Variants in RNF125 observed in about 807,000 individuals in gnomAD.
The protein encoded by RNF125 is ring finger protein 125, also known as E3 ubiquitin-protein ligase RNF125.
RNF125 carries 21 observed loss-of-function variants against 26.0 expected under a neutral mutation model. That is an observed-to-expected ratio of 0.81 (90% CI 0.57 to 1.16). The LOEUF (loss-of-function observed/expected upper bound fraction) is 1.16, where lower values mean the gene tolerates loss of function less well. Ranked by LOEUF, RNF125 falls within the 50% of genes most tolerant of loss-of-function variation. The pLI is 0.00. For synonymous variants in RNF125, 95 were observed against 109.2 expected, an observed-to-expected ratio of 0.87 and a Z score of 0.81; for missense variants, 270 against 299.4, an observed-to-expected ratio of 0.90 and a Z score of 0.72.
the RNF125 span, among the ~76,000 whole-genome samples, chr18:32,082,544 C>T: frequency 1.3e-5 from 2 of 152,128 alleles, no homozygotes; most frequent in African/African-American, 2.4e-5. Flanking sequence ...GTCGTCTTCA[C>T]GCTGTCCTGA....
At chr18:32,080,111 C>T in the RNF125 span, among the ~76,000 whole-genome samples, 1 of 152,180 alleles carries the variant, frequency 6.6e-6, no homozygotes, top group Non-Finnish European at 1.5e-5. Flanking sequence ...TCACTACAAC[C>T]TCCGCCTCCT....
At chr18:32,019,171 AG>A (rs1294878867) in intron 1 of RNF125, 144 bp downstream of exon 1, 1 of 972,644 alleles carries the variant, frequency 1.0e-6, no homozygotes, top group Non-Finnish European at 1.5e-6. Flanking sequence ...CGTCGGATGC[AG>A]GACCACGGGG....
chr18:32,068,729 T>C lies in RNF125; in HGVS notation c.*345T>C, dbSNP rs2039507146. 1 of 179,714 alleles carries C rather than the reference T, an allele frequency of 5.6e-6. No homozygotes were observed. The highest frequency in any genetic ancestry group is 1.6e-4 in the East Asian group (1 of 6,338). 11.1% of individuals were successfully genotyped at this position (179,714 alleles called of 1,614,324 possible). A position where few individuals can be genotyped will look rare whatever the true frequency, so the allele number is the denominator to read the frequency against. On this transcript the variant is annotated 3_prime_UTR_variant, in exon 6 of 6. Coordinates refer to ENST00000217740, the MANE Select transcript of RNF125 (RefSeq NM_017831.4). ...TGCTACATATCAATAACTACCATCA[T>C]GGTTAGGCACGATAACTAATCTTTG...
At chr18:32,056,116 C>G (rs1482779178) in intron 4 of RNF125, among the ~76,000 whole-genome samples, 5 of 150,274 alleles carry the variant, frequency 3.3e-5, no homozygotes, top group African/African-American at 1.2e-4. Context: ...TCATATAGGA[C>G]TTTTTTTTTC....
rs184968950 is a variant in RNF125, at chr18:32,022,009, A to C, written c.164+2982A>C. On this transcript the variant is annotated intron_variant, in intron 1 of 5. Coordinates refer to ENST00000217740, the MANE Select transcript of RNF125 (RefSeq NM_017831.4). Reference sequence around the variant, plus strand: ...TGGCAAACTTACTTGGTCCCCTTCCACTTTATAAATGTTAACCAGAGTCCT... The same window carrying C: ...TGGCAAACTTACTTGGTCCCCTTCCCCTTTATAAATGTTAACCAGAGTCCT... 2.9e-3 allele frequency among the ~76,000 whole-genome samples: 444 copies of C among 152,244 alleles called. 2 individuals carry two copies. The highest frequency in any genetic ancestry group is 8.0e-3 in the Admixed American group (123 of 15,292).
rs1288155860 is a variant in RNF125, at chr18:32,019,019, T to C, written c.156T>C (p.Cys52=). ...EVLHQPVRTR[C]GHVFCRSCIA... is the part of the protein sequence containing the mutation. ...TACACCAGCCTGTCCGGACCCGCTG[T>C]GGCCACGTGTAAGTTCCAGGGGAGC... is the stretch of plus-strand genomic sequence containing the variant. Residue 52 remains cysteine, a synonymous_variant, in exon 1 of 6, where the codon TGT becomes TGC. Coordinates refer to ENST00000217740, the MANE Select transcript of RNF125 (RefSeq NM_017831.4). 3 of 1,612,568 alleles carry C rather than the reference T, an allele frequency of 1.9e-6. No homozygotes were observed. The highest frequency in any genetic ancestry group is 8.5e-7 in the Non-Finnish European group (1 of 1,179,366).
At chr18:32,062,218 A>T (rs1401326487) in intron 4 of RNF125, among the ~76,000 whole-genome samples, 1 of 152,230 alleles carries the variant, frequency 6.6e-6, no homozygotes, top group African/African-American at 2.4e-5. Flanking sequence ...CTAACTTCAA[A>T]GTATCCTACT....
intron 1 of RNF125, among the ~76,000 whole-genome samples, chr18:32,036,459 C>G (rs932831261): frequency 2.6e-5 from 4 of 151,320 alleles, no homozygotes; most frequent in African/African-American, 9.7e-5. Context: ...TCTTCAACAA[C>G]TCCTATAAAT....
At chr18:32,034,653 C>CT (rs1326283273) in intron 1 of RNF125, among the ~76,000 whole-genome samples, 1 of 152,122 alleles carries the variant, frequency 6.6e-6, no homozygotes. Flanking sequence ...TGGCTCATGC[C>CT]TGTAATCCCA....
the RNF125 span, among the ~76,000 whole-genome samples, chr18:32,082,575 G>A: frequency 1.3e-5 from 2 of 152,162 alleles, no homozygotes; most frequent in African/African-American, 4.8e-5. Context: ...GTCAAACAGA[G>A]TGTACTGGGA....
At chr18:32,036,577 G>A (rs1041401030) in intron 1 of RNF125, among the ~76,000 whole-genome samples, 1 of 128,708 alleles carries the variant, frequency 7.8e-6, no homozygotes, top group Non-Finnish European at 1.6e-5. Context: ...AGGAAGGAAG[G>A]AAGGAAAGGA....
intron 3 of RNF125, 37 bp downstream of exon 3, chr18:32,042,310 G>C: frequency 7.8e-7 from 1 of 1,282,296 alleles, no homozygotes; most frequent in Non-Finnish European, 1.1e-6. Context: ...TGCTAAAATT[G>C]ATAATGTTTA....
chr18:32,069,583 C>A lies in RNF125; in HGVS notation c.*1199C>A, dbSNP rs2039515331. On this transcript the variant is annotated 3_prime_UTR_variant, in exon 6 of 6. Transcript: ENST00000217740. ...TCTTTTAGGACTCAGCCAGTCACCC[C>A]ACGTGTCCTTTTTGTGTCCTGTCAC... The A allele has an allele frequency of 6.6e-6, 1 of 152,276 alleles. No homozygotes were observed. The highest frequency in any genetic ancestry group is 1.9e-4 in the East Asian group (1 of 5,186). 9.4% of individuals were successfully genotyped at this position (152,276 alleles called of 1,614,324 possible).
intron 4 of RNF125, among the ~76,000 whole-genome samples, chr18:32,051,750 A>G (rs2039330886): frequency 7.8e-6 from 1 of 128,780 alleles, no homozygotes; most frequent in South Asian, 2.6e-4. Context: ...GCTGGAGTGT[A>G]GTGGCGTGAT....
At chr18:32,086,562 C>G in the RNF125 span, among the ~76,000 whole-genome samples, 1 of 151,320 alleles carries the variant, frequency 6.6e-6, no homozygotes, top group Admixed American at 6.6e-5. Flanking sequence ...CTCTTGTTGC[C>G]CAGGCTGGAG....
At position 32,065,792 on chromosome 18, in the gene RNF125, A is replaced by C. The variant is rs2039479258; in HGVS notation, c.505-110A>C. The stretch of plus-strand genomic sequence containing the variant: ...GTGATCCGGCCGCCTCTGCCTCCCA[A>C]AGTACTGGGATTACAGGCGTAAGCC... On this transcript the variant is annotated intron_variant, in intron 4 of 5. Transcript: ENST00000217740. The C allele has an allele frequency of 4.2e-6, 3 of 722,016 alleles. No individual in the cohort carries two copies. The East Asian group carries it at 7.6e-5, about 18-fold the overall frequency. 44.7% of individuals were successfully genotyped at this position (722,016 alleles called of 1,614,324 possible). A position where few individuals can be genotyped will look rare whatever the true frequency, so the allele number is the denominator to read the frequency against.
chr18:32,090,639 T>C, the RNF125 span, among the ~76,000 whole-genome samples: 1 of 152,242 alleles, frequency 6.6e-6, no homozygotes, highest in Non-Finnish European at 1.5e-5. Context: ...CATCGTTTAA[T>C]GCAAAATTTA....
intron 4 of RNF125, among the ~76,000 whole-genome samples, chr18:32,053,656 C>G (rs1033815208): frequency 9.2e-5 from 14 of 151,582 alleles, no homozygotes; most frequent in Admixed American, 4.6e-4. Context: ...GGCACATTGG[C>G]GTGTGCCTCT....
At chr18:32,034,550 A>G (rs2039132958) in intron 1 of RNF125, among the ~76,000 whole-genome samples, 1 of 152,158 alleles carries the variant, frequency 6.6e-6, no homozygotes, top group Non-Finnish European at 1.5e-5. Flanking sequence ...GATTAAATGA[A>G]TTAAGGTATA....
Sources: allele counts gnomAD v4.1 joint callset (sites outside exome capture counted in the v4.1 genomes callset), GRCh38; gene constraint gnomAD v4.1.1; transcripts MANE v1.5; gene names NCBI Gene and HGNC (gene_info 2026-07-23, HGNC 2026-07-21).